Variants in FRMPD4 observed in about 807,000 individuals in gnomAD.
The protein encoded by FRMPD4 is FERM and PDZ domain-containing protein 4.
In FRMPD4, 22 loss-of-function variants were observed where a neutral mutation model predicts 94.1. The ratio of observed to expected loss-of-function variants is 0.23; its 90% CI spans 0.17 to 0.33. FRMPD4 has a LOEUF of 0.33. Ranked by LOEUF, FRMPD4 falls within the 10% of genes least tolerant of loss-of-function variation. The pLI, the probability that FRMPD4 is intolerant of heterozygous loss-of-function variation, is 1.00. For missense variants in FRMPD4, 1,111 were observed against 1,339.9 expected (o/e 0.83, Z 2.67); for synonymous variants, 631 against 548.6 (o/e 1.15, Z -2.10).
At chrX:12,599,906 T>C (rs1040411773) in intron 2 of FRMPD4, among the ~76,000 whole-genome samples, 1 of 103,163 alleles carries the variant, frequency 9.7e-6, no homozygotes, top group Non-Finnish European at 1.9e-5. Flanking sequence ...TTATGGAGAA[T>C]ATAAAATATA....
At chrX:11,968,426 TTATTGAGGTGAATTA>T (rs1449586867) in intron 3 of FRMPD4, among the ~76,000 whole-genome samples, 1 of 111,375 alleles carries the variant, frequency 9.0e-6, no homozygotes, top group Non-Finnish European at 1.9e-5. Flanking sequence ...GACACAGGGT[TTATTGAGGTGAATTA>T]TATACAGGGT....
intron 3 of FRMPD4, among the ~76,000 whole-genome samples, chrX:12,067,686 G>A (rs138201213): frequency 2.9e-3 from 328 of 111,668 alleles, no homozygotes; most frequent in African/African-American, 0.01. Flanking sequence ...AAAGTGCTGC[G>A]ATTACAGGCG....
intron 1 of FRMPD4, among the ~76,000 whole-genome samples, chrX:12,207,503 G>A (rs1443072835): frequency 1.8e-5 from 2 of 110,170 alleles, no homozygotes; most frequent in East Asian, 5.7e-4. Flanking sequence ...ATTATAAACT[G>A]TAAAAATCGT....
chrX:12,689,338 A>G (rs747694670), intron 7 of FRMPD4, among the ~76,000 whole-genome samples: 1 of 111,952 alleles, frequency 8.9e-6, no homozygotes, highest in South Asian at 3.8e-4. Flanking sequence ...GATGTAAAAT[A>G]AATATATGTA....
chrX:12,412,503 C>G, intron 1 of FRMPD4, among the ~76,000 whole-genome samples: 1 of 112,377 alleles, frequency 8.9e-6, no homozygotes, highest in Non-Finnish European at 1.9e-5. Flanking sequence ...CATATTCTGG[C>G]AAGCATCAGG....
intron 1 of FRMPD4, among the ~76,000 whole-genome samples, chrX:12,497,585 A>G (rs1261315222): frequency 9.0e-6 from 1 of 110,862 alleles, no homozygotes; most frequent in Non-Finnish European, 1.9e-5. Context: ...AGATAATCCT[A>G]TGGTGGCATT....
chrX:12,455,079 C>G (rs1004053352), intron 1 of FRMPD4, among the ~76,000 whole-genome samples: 21 of 111,062 alleles, frequency 1.9e-4, no homozygotes, highest in African/African-American at 6.2e-4. Context: ...AATAATTGCT[C>G]AGTTTTGACA....
At chrX:12,349,039 C>T (rs1285928379) in intron 1 of FRMPD4, among the ~76,000 whole-genome samples, 6 of 111,473 alleles carry the variant, frequency 5.4e-5, no homozygotes, top group East Asian at 5.6e-4. Context: ...AGATGGGAAA[C>T]GCCCAGCAAG....
chrX:12,706,728 A>G (rs1030466408), intron 11 of FRMPD4, 98 bp from the exon 12 acceptor site: 1 of 446,142 alleles, frequency 2.2e-6, no homozygotes. Flanking sequence ...CAGCCGTAAA[A>G]TCATCCTTCT....
intron 2 of FRMPD4, among the ~76,000 whole-genome samples, chrX:12,599,111 T>C (rs2059059911): frequency 9.0e-6 from 1 of 110,841 alleles, no homozygotes; most frequent in Non-Finnish European, 1.9e-5. Context: ...TGGGAGGACA[T>C]ACAACAGCCC....
chrX:12,160,884 G>T (rs2056014270), intron 1 of FRMPD4, among the ~76,000 whole-genome samples: 2 of 110,981 alleles, frequency 1.8e-5, no homozygotes, highest in South Asian at 7.6e-4. Context: ...AATCACCAAT[G>T]ATATTAGAAA....
At chrX:11,836,338 T>C (rs1228779119) in intron 1 of FRMPD4, among the ~76,000 whole-genome samples, 1 of 111,987 alleles carries the variant, frequency 8.9e-6, no homozygotes, top group Non-Finnish European at 1.9e-5. Flanking sequence ...AAAGGACTAC[T>C]GAGATTTTTC....
intron 3 of FRMPD4, among the ~76,000 whole-genome samples, chrX:12,036,878 A>C (rs1339936905): frequency 8.9e-6 from 1 of 112,309 alleles, no homozygotes; most frequent in Non-Finnish European, 1.9e-5. Context: ...TCCAGATGCC[A>C]TTGACACGGT....
intron 1 of FRMPD4, among the ~76,000 whole-genome samples, chrX:11,832,345 A>C (rs1283793094): frequency 8.9e-6 from 1 of 111,749 alleles, no homozygotes; most frequent in African/African-American, 3.3e-5. Flanking sequence ...CTCTCAGACA[A>C]AGTGATTCAA....
intron 2 of FRMPD4, among the ~76,000 whole-genome samples, chrX:12,517,804 G>C (rs1369961385): frequency 8.9e-6 from 1 of 112,957 alleles, no homozygotes; most frequent in Admixed American, 9.3e-5. Flanking sequence ...CCAGCAGGGG[G>C]AAAGACTAAG....
chrX:12,666,328 G>A (rs769528507), intron 4 of FRMPD4, among the ~76,000 whole-genome samples: 10 of 111,081 alleles, frequency 9.0e-5, no homozygotes, highest in Non-Finnish European at 1.9e-4. Flanking sequence ...CACAATAATA[G>A]TGGGAGACTT....
chrX:12,655,722 A>T lies in FRMPD4; in HGVS notation c.423-19141A>T, dbSNP rs1233593312. ...CTTATCAAAGAACACATCCTTGAAG[A>T]TAAAGACAAACAAAAAGACAATGGA... On this transcript the variant is annotated intron_variant, in intron 4 of 16. Transcript: ENST00000675598. Among the ~76,000 whole-genome samples the T allele has an allele frequency of 8.0e-5, 9 of 112,320 alleles. No individual in the cohort carries two copies. The East Asian group carries it at 2.2e-3, about 28-fold the overall frequency.
rs1338170219 is a variant in FRMPD4 at position 12,706,379 on chromosome X, G to T, written c.1198-447G>T. 2.7e-5 allele frequency among the ~76,000 whole-genome samples: 3 copies of T among 111,829 alleles called. No homozygotes were observed. In the East Asian group the frequency reaches 8.4e-4, roughly 31 times the overall value. On this transcript the variant is annotated intron_variant, in intron 11 of 16. Transcript: ENST00000675598. Reference sequence around the variant, plus strand: ...AGAAGGCTTTGCCTAGATTGCAGGTGCGTATTCAAAATGATTCCCACAAAG... The same window carrying T: ...AGAAGGCTTTGCCTAGATTGCAGGTTCGTATTCAAAATGATTCCCACAAAG...
intron 3 of FRMPD4, among the ~76,000 whole-genome samples, chrX:11,914,201 G>T (rs1297063087): frequency 9.0e-6 from 1 of 111,114 alleles, no homozygotes; most frequent in African/African-American, 3.3e-5. Context: ...ACAAATTGAT[G>T]GCATATTGCA....
Sources: gnomAD v4.1 joint callset for allele counts (sites outside exome capture counted in the v4.1 genomes callset) on GRCh38, gnomAD v4.1.1 for gene constraint, MANE v1.5 for transcripts, NCBI Gene and HGNC (gene_info 2026-07-23, HGNC 2026-07-21) for gene names.